Variants in PAK4 observed in about 807,000 individuals in gnomAD.
PAK4 encodes p21 (RAC1) activated kinase 4.
A neutral mutation model predicts 53.5 loss-of-function variants in PAK4; 49 were observed. The ratio of observed to expected loss-of-function variants is 0.92; its 90% confidence interval spans 0.73 to 1.16. The LOEUF (loss-of-function observed/expected upper bound fraction) is 1.16. Ranked by LOEUF, PAK4 falls within the 50% of genes most tolerant of loss-of-function variation. The probability of loss-of-function intolerance (pLI) is 0.00; values close to 1 mark genes in which losing one functional copy is unlikely to be tolerated. For missense variants in PAK4, 824 were observed against 850.7 expected (o/e 0.97, Z 0.39); for synonymous variants, 376 against 375.6 (o/e 1.00, Z -0.01).
At chr19:39,139,029 C>T (rs1364442437) in intron 1 of PAK4, among the ~76,000 whole-genome samples, 2 of 152,162 alleles carry the variant, frequency 1.3e-5, no homozygotes, top group Non-Finnish European at 2.9e-5. Flanking sequence ...CCGATTCCTC[C>T]CCTGATTCAC....
In PAK4 at chr19:39,175,558, G is replaced by A. The variant is rs1376719204; in HGVS notation, c.1359+120G>A. ...GACCCCCAGGTCTGTGTCTTGAGGA[G>A]CTGGGAACTTCGTCCCTCCCTGGTG... On this transcript the variant is annotated intron_variant, in intron 6 of 8. Transcript: ENST00000358301. This position sits in a 1 kb window ranked among gnomAD's most constrained non-coding sequence, Gnocchi z 4.7. 4.4e-6 allele frequency: 5 copies of A among 1,126,584 alleles called. No individual in the cohort carries two copies. In the East Asian group the frequency reaches 1.0e-4, roughly 23 times the overall value. 69.8% of individuals were successfully genotyped at this position (1,126,584 alleles called of 1,614,324 possible).
downstream of PAK4, chr19:39,179,609 C>T (rs2074679585): frequency 6.6e-6 from 1 of 152,212 alleles, no homozygotes; most frequent in African/African-American, 2.4e-5. Context: ...GGATTGTCCC[C>T]ACCCCTGGAA....
intron 1 of PAK4, among the ~76,000 whole-genome samples, chr19:39,133,348 T>C (rs1481696863): frequency 6.6e-6 from 1 of 152,226 alleles, no homozygotes; most frequent in African/African-American, 2.4e-5. Flanking sequence ...CCAATAGCCA[T>C]GTTATTAATA....
At chr19:39,128,393 G>A (rs566871854) in intron 1 of PAK4, among the ~76,000 whole-genome samples, 5 of 152,272 alleles carry the variant, frequency 3.3e-5, no homozygotes, top group African/African-American at 9.6e-5. Flanking sequence ...CTCTGGCAGG[G>A]TCAGGGAGCC....
chr19:39,125,986 C>A, intron 1 of PAK4, 67 bp downstream of exon 1: 1 of 152,758 alleles, frequency 6.5e-6, no homozygotes, highest in Non-Finnish European at 1.5e-5. Context: ...GGCGTTTCCG[C>A]GAGGAGGGGG....
intron 2 of PAK4, among the ~76,000 whole-genome samples, chr19:39,170,245 G>A (rs2074453806): frequency 6.6e-6 from 1 of 152,336 alleles, no homozygotes; most frequent in Middle Eastern, 3.4e-3. Context: ...AGGGGACACC[G>A]AGGCAGAGCC....
intron 2 of PAK4, among the ~76,000 whole-genome samples, chr19:39,170,007 C>G (rs1267987950): frequency 1.3e-5 from 2 of 152,148 alleles, no homozygotes; most frequent in Non-Finnish European, 2.9e-5. Flanking sequence ...GCCCCCACAC[C>G]AGCCTCCAAG....
At chr19:39,147,841 GT>G (rs35845376) in intron 1 of PAK4, among the ~76,000 whole-genome samples, 30 of 13,234 alleles carry the variant, frequency 2.3e-3, no homozygotes, top group South Asian at 7.0e-3. Flanking sequence ...TTGTTTTCGG[GT>G]TTTTTTTTTT....
chr19:39,162,033 C>T (rs1057024103), intron 1 of PAK4, among the ~76,000 whole-genome samples: 2 of 152,100 alleles, frequency 1.3e-5, no homozygotes, highest in African/African-American at 4.8e-5. Context: ...GATCTTGGCT[C>T]GCTGCAACTT....
chr19:39,178,366 C>G lies in PAK4; in HGVS notation c.1621-58C>G. ...CTTGGCAGAGGCGGACACTGCAGCC[C>G]TACAGCAAATGAACAGTGGGGAGCC... is the stretch of plus-strand genomic sequence containing the variant. On this transcript the variant is annotated intron_variant, in intron 8 of 8. Coordinates refer to ENST00000358301, the Ensembl canonical transcript of PAK4. The surrounding 1 kb of genome is among the most constrained non-coding windows in gnomAD (Gnocchi z 4.4). The G allele has an allele frequency of 6.5e-7, 1 of 1,539,698 alleles. No homozygotes were observed. Among genetic ancestry groups the G allele is most frequent in the Non-Finnish European group, 8.8e-7 (1 of 1,141,386 alleles).
chr19:39,179,513 C>A (rs1160344400), downstream of PAK4: 1 of 152,096 alleles, frequency 6.6e-6, no homozygotes, highest in African/African-American at 2.4e-5. Context: ...CCAGCCAAGG[C>A]AGGGCAAGGG....
intron 1 of PAK4, among the ~76,000 whole-genome samples, chr19:39,149,849 C>T (rs1262290417): frequency 2.6e-5 from 4 of 152,032 alleles, no homozygotes; most frequent in Non-Finnish European, 5.9e-5. Context: ...GAGAGAGACT[C>T]TGTCTCTAAA....
intron 1 of PAK4, among the ~76,000 whole-genome samples, chr19:39,153,111 A>G (rs1178418931): frequency 6.6e-6 from 1 of 152,204 alleles, no homozygotes; most frequent in Non-Finnish European, 1.5e-5. Flanking sequence ...TGAAAATTGC[A>G]TAAAACATAA....
intron 2 of PAK4, among the ~76,000 whole-genome samples, chr19:39,170,101 C>T (rs12610624): frequency 0.24 from 35,760 of 152,072 alleles, 4,621 homozygotes; most frequent in East Asian, 0.45. Flanking sequence ...AACCTTGAGC[C>T]TTTCCAGAGC....
chr19:39,177,526 C>G, intron 7 of PAK4, 149 bp from the exon 9 acceptor site: 3 of 758,978 alleles, frequency 4.0e-6, no homozygotes, highest in Non-Finnish European at 6.1e-6. Context: ...GCTCTGTGGA[C>G]TGCTGGCTGG....
chr19:39,176,175 G>T (rs946353602), intron 6 of PAK4, among the ~76,000 whole-genome samples: 1 of 152,246 alleles, frequency 6.6e-6, no homozygotes. Context: ...GCAAAGGCAG[G>T]CTGTGTCCCC....
At chr19:39,133,487 C>A (rs139491493) in intron 1 of PAK4, among the ~76,000 whole-genome samples, 135 of 152,214 alleles carry the variant, frequency 8.9e-4, no homozygotes, top group African/African-American at 3.0e-3. Context: ...GACCTGGCCC[C>A]GTCACAGAGC....
intron 1 of PAK4, among the ~76,000 whole-genome samples, chr19:39,150,101 C>A (rs1331580834): frequency 6.6e-6 from 1 of 151,950 alleles, no homozygotes; most frequent in Non-Finnish European, 1.5e-5. Context: ...TATATTTTAC[C>A]ATAATAAAAA....
At position 39,173,393 on chromosome 19, in the gene PAK4, C is replaced by T; in HGVS notation, c.663+17C>T. 6.7e-7 allele frequency: 1 copy of T among 1,498,956 alleles called. No individual in the cohort carries two copies. The highest frequency in any genetic ancestry group is 8.9e-7 in the Non-Finnish European group (1 of 1,120,400). The allele number at this position is 1,498,956 out of a possible 1,614,324, so 92.9% of individuals were successfully genotyped here. A position where few individuals can be genotyped will look rare whatever the true frequency, so the allele number is the denominator to read the frequency against. ...GGTGCCCAGGTAACCCATCCCCCGC[C>T]CCAGGGCCCCCACTGTCCCCTGCCC... On this transcript the variant is annotated intron_variant, in intron 3 of 8. Transcript: ENST00000358301. This position sits in a 1 kb window ranked among gnomAD's most constrained non-coding sequence, Gnocchi z 6.9.
Sources: gnomAD v4.1 joint callset for allele counts (sites outside exome capture counted in the v4.1 genomes callset) on GRCh38, gnomAD v4.1.1 for gene constraint, Gnocchi (gnomAD v3.1) non-coding constraint, MANE v1.5 for transcripts, NCBI Gene and HGNC (gene_info 2026-07-23, HGNC 2026-07-21) for gene names.